The following SCP2 variants were observed in gnomAD, a reference collection of about 807,000 sequenced individuals.
The protein encoded by SCP2 is sterol carrier protein 2.
A neutral mutation model predicts 71.4 loss-of-function variants in SCP2; 48 were observed. That is an observed-to-expected ratio of 0.67 (90% CI 0.53 to 0.86). The LOEUF (loss-of-function observed/expected upper bound fraction) is 0.86. Ranked by LOEUF, SCP2 falls within the 40% of genes least tolerant of loss-of-function variation. The pLI, the probability that SCP2 is intolerant of heterozygous loss-of-function variation, is 0.00. For synonymous variants in SCP2, 220 were observed against 218.1 expected (o/e 1.01, Z -0.08); for missense variants, 560 against 655.6 (o/e 0.85, Z 1.59).
chr1:53,029,228 A>G (rs895561955), intron 13 of SCP2, among the ~76,000 whole-genome samples: 1 of 151,424 alleles, frequency 6.6e-6, no homozygotes, highest in Non-Finnish European at 1.5e-5. Context: ...TATTTATTTC[A>G]TTGTTTTAAA....
chr1:53,045,799 A>G (rs1317445311), intron 14 of SCP2, among the ~76,000 whole-genome samples: 1 of 152,230 alleles, frequency 6.6e-6, no homozygotes, highest in African/African-American at 2.4e-5. Context: ...CTATCACCAG[A>G]AATCAAGATA....
At chr1:52,975,798 T>C (rs1185529175) in intron 7 of SCP2, among the ~76,000 whole-genome samples, 1 of 152,222 alleles carries the variant, frequency 6.6e-6, no homozygotes, top group African/African-American at 2.4e-5. Context: ...ACTGGGTATA[T>C]TGCAACTCAA....
Position 52,954,757 on chromosome 1 carries a change from T to C in SCP2, c.349T>C (p.Leu117=). Residue 117 remains leucine (L), a synonymous_variant, in exon 5 of 16, where the codon TTG becomes CTG. Transcript: ENST00000371514. The part of the protein sequence containing the change: ...LIQGGVAECV[L]ALGFEKMSKG... ...CCTTTAAGGTGTGGCAGAATGTGTCTTGGCTCTTGGGTTTGAGAAGATGAG... is the reference window on the plus strand; with the variant it reads ...CCTTTAAGGTGTGGCAGAATGTGTCCTGGCTCTTGGGTTTGAGAAGATGAG... 1 of 1,613,918 alleles carries C rather than the reference T, an allele frequency of 6.2e-7. No homozygotes were observed. The highest frequency in any genetic ancestry group is 8.5e-7 in the Non-Finnish European group (1 of 1,179,788).
chr1:53,050,373 T>C (rs1430070285), intron 15 of SCP2: 7 of 461,272 alleles, frequency 1.5e-5, no homozygotes, highest in African/African-American at 1.4e-4. Flanking sequence ...GCTCAATTTC[T>C]ATGAGAAATT....
At position 52,980,448 on chromosome 1, in the gene SCP2, G is replaced by GC. The variant is rs772766758; in HGVS notation, c.880dup (p.Leu294ProfsTer5). 6.2e-7 allele frequency: 1 copy of GC among 1,614,060 alleles called. No homozygotes were observed. Among genetic ancestry groups the GC allele is most frequent in the Non-Finnish European group, 8.5e-7 (1 of 1,179,940 alleles). ...GCAAGAAAATGCTATGAGAAATCTG[G>GC]CCTGACACCAAATGATATTGACGTA... On this transcript the variant is annotated frameshift_variant, in exon 10 of 16. Transcript: ENST00000371514. LOFTEE classifies it high-confidence loss of function.
At chr1:53,022,220 A>C (rs1661801210) in intron 12 of SCP2, among the ~76,000 whole-genome samples, 1 of 152,194 alleles carries the variant, frequency 6.6e-6, no homozygotes, top group Admixed American at 6.5e-5. Flanking sequence ...AAATGAAATC[A>C]TACATTGTAT....
At position 52,961,530 on chromosome 1, in the gene SCP2, A is replaced by G; in HGVS notation, c.424A>G (p.Lys142Glu). 6.2e-7 allele frequency: 1 copy of G among 1,613,816 alleles called. No individual in the cohort carries two copies. ...TTCAGATAGAACCATTCCCACTGAT[A>G]AGCATGTTGACCTCCTGATCAATAA... The part of the protein sequence containing the change: ...KFSDRTIPTD[K>E]HVDLLINKYG... The change falls in exon 6 of 16, where the codon AAG becomes GAG. Residue 142 changes from lysine (K) to glutamate (E), a missense_variant. By Grantham distance (56) the Lys-to-Glu change is moderately conservative. Transcript: ENST00000371514.
At chr1:53,043,096 C>T (rs1227538868) in intron 14 of SCP2, among the ~76,000 whole-genome samples, 1 of 152,196 alleles carries the variant, frequency 6.6e-6, no homozygotes, top group Non-Finnish European at 1.5e-5. Flanking sequence ...TTCAGGGTCT[C>T]CTATCCCCAA....
chr1:52,993,347 T>C lies in SCP2; in HGVS notation c.1081+5211T>C, dbSNP rs1342627572. 25 of 1,614,102 alleles carry C rather than the reference T, an allele frequency of 1.5e-5. 1 individual carries two copies. In the East Asian group the frequency reaches 5.6e-4, roughly 36 times the overall value. On this transcript the variant is annotated intron_variant, in intron 11 of 15. Coordinates refer to ENST00000371514, the MANE Select transcript of SCP2 (RefSeq NM_002979.5). ...ATTCATCCTAATCTTTGCTGATGCC[T>C]CCATGTATGTTACCTTAAGTTGCCG... is the stretch of plus-strand genomic sequence containing the variant.
intron 14 of SCP2, among the ~76,000 whole-genome samples, chr1:53,044,341 A>G (rs997226710): frequency 1.3e-5 from 2 of 152,226 alleles, no homozygotes; most frequent in African/African-American, 4.8e-5. Context: ...TACAGGTGTG[A>G]GCCAGCGCAC....
At chr1:52,992,213 T>C (rs1437149671) in intron 11 of SCP2, among the ~76,000 whole-genome samples, 2 of 151,882 alleles carry the variant, frequency 1.3e-5, no homozygotes, top group African/African-American at 4.9e-5. Context: ...CAGTTAAAAG[T>C]GAACAGTGAG....
chr1:53,009,147 A>C (rs1660824871), intron 11 of SCP2, among the ~76,000 whole-genome samples: 1 of 152,206 alleles, frequency 6.6e-6, no homozygotes, highest in African/African-American at 2.4e-5. Context: ...AAATGGAAGA[A>C]CATTCCATGC....
chr1:52,994,219 G>T (rs1295422027), intron 11 of SCP2: 2 of 1,018,690 alleles, frequency 2.0e-6, no homozygotes, highest in East Asian at 1.9e-4. Flanking sequence ...TATTCCTGTG[G>T]TATGGTCACT....
chr1:52,935,408 C>T lies in SCP2; in HGVS notation c.70-6388C>T, dbSNP rs114182730. ...ACCAGCCTGGTCAACATGGCAAAAC[C>T]GCAAAACCCCGTTTTTATTAAAAAT... On this transcript the variant is annotated intron_variant, in intron 1 of 15. Transcript: ENST00000371514. Among the ~76,000 whole-genome samples the T allele has an allele frequency of 2.9e-3, 434 of 151,488 alleles. 4 individuals are homozygous for T. Among genetic ancestry groups the T allele is most frequent in the African/African-American group, 9.9e-3 (407 of 41,312 alleles).
In SCP2 at chr1:52,940,571, T is replaced by C. The variant is rs568910516; in HGVS notation, c.70-1225T>C. ...CCTGGGTTAGTTGTTTATCTCTCTG[T>C]GTCCTAGTTTTCTTATCTGTAATGC... On this transcript the variant is annotated intron_variant, in intron 1 of 15. Transcript: ENST00000371514. 9.1e-4 allele frequency among the ~76,000 whole-genome samples: 138 copies of C among 152,292 alleles called. 1 individual carries two copies. The highest frequency in any genetic ancestry group is 1.8e-3 in the Admixed American group (27 of 15,292).
chr1:53,025,620 C>A (rs72903124), intron 12 of SCP2, among the ~76,000 whole-genome samples: 20,839 of 152,054 alleles, frequency 0.14, 2,031 homozygotes, highest in East Asian at 0.32. Context: ...CTCACCCCCA[C>A]AGCAAGGCTT....
intron 12 of SCP2, among the ~76,000 whole-genome samples, chr1:53,017,993 T>C (rs1661453732): frequency 6.6e-6 from 1 of 152,166 alleles, no homozygotes; most frequent in African/African-American, 2.4e-5. Flanking sequence ...TAGCTGGGAT[T>C]ACAGGTGCTC....
At chr1:52,973,427 T>A (rs1169637134) in intron 6 of SCP2, among the ~76,000 whole-genome samples, 1 of 152,156 alleles carries the variant, frequency 6.6e-6, no homozygotes, top group African/African-American at 2.4e-5. Flanking sequence ...CCTTATCTTG[T>A]CCAAAATGTT....
At chr1:52,961,903 A>G (rs1656494349) in intron 6 of SCP2, among the ~76,000 whole-genome samples, 1 of 151,582 alleles carries the variant, frequency 6.6e-6, no homozygotes, top group Admixed American at 6.6e-5. Flanking sequence ...ATCATGGACT[A>G]TAAATTATTT....
Sources: gnomAD v4.1 joint callset for allele counts (sites outside exome capture counted in the v4.1 genomes callset) on GRCh38, gnomAD v4.1.1 for gene constraint, MANE v1.5 for transcripts, NCBI Gene and HGNC (gene_info 2026-07-23, HGNC 2026-07-21) for gene names.